Variants in ABCC11 observed in about 807,000 individuals in gnomAD.
ABCC11 encodes the protein ATP-binding cassette sub-family C member 11.
Under a neutral mutation model 149.3 loss-of-function variants are expected in ABCC11, and 135 were observed. That is an observed-to-expected ratio of 0.90 (90% CI 0.79 to 1.04). The LOEUF (loss-of-function observed/expected upper bound fraction) is 1.04. ABCC11 is among the 50% of genes least tolerant of loss of function. The pLI is 0.00. For synonymous variants in ABCC11, 665 were observed against 671.4 expected (o/e 0.99, Z 0.15); for missense variants, 1,680 against 1,722.1 (o/e 0.98, Z 0.43).
chr16:48,214,739 G>A, intron 9 of ABCC11, 142 bp downstream of exon 9: 1 of 1,192,116 alleles, frequency 8.4e-7, no homozygotes, highest in Non-Finnish European at 1.2e-6. Context: ...AGACAGCACT[G>A]TACTTTTGTC....
intron 20 of ABCC11, 83 bp from the exon 21 acceptor site, chr16:48,187,510 C>T: frequency 8.3e-7 from 1 of 1,209,190 alleles, no homozygotes; most frequent in Admixed American, 2.1e-5. Context: ...TTACCCTTGA[C>T]TCTAAAGAGC....
In ABCC11 at chr16:48,227,795, C is replaced by T. The variant is rs146017986; in HGVS notation, c.395+11G>A. 52 of 1,613,902 alleles carry T rather than the reference C, an allele frequency of 3.2e-5. No homozygotes were observed. The Middle Eastern group carries it at 6.6e-4, about 20-fold the overall frequency. On this transcript the variant is annotated intron_variant, in intron 4 of 29. Coordinates refer to ENST00000356608, the MANE Select transcript of ABCC11 (RefSeq NM_001370497.1). ...TTAACCTATCCACTGGTTTGCCCAG[C>T]GCAGCTTCACCTTTGGACATTTTTG...
In ABCC11 at chr16:48,215,032, G is replaced by A; in HGVS notation, c.1100-3C>T. The A allele has an allele frequency of 1.2e-6, 2 of 1,612,108 alleles. No individual in the cohort carries two copies. Among genetic ancestry groups the A allele is most frequent in the Non-Finnish European group, 1.7e-6 (2 of 1,179,116 alleles). On this transcript the variant is annotated splice_region_variant and splice_polypyrimidine_tract_variant and intron_variant, in intron 8 of 29. Coordinates refer to ENST00000356608, the MANE Select transcript of ABCC11 (RefSeq NM_001370497.1). ...TTTCCTTTCCTTCCTTCTTAGGTCTGGGAAATAAAAAAGAAATACACCAAA... is the reference window on the plus strand; with the variant it reads ...TTTCCTTTCCTTCCTTCTTAGGTCTAGGAAATAAAAAAGAAATACACCAAA...
At chr16:48,199,549 A>T (rs559465509) in intron 15 of ABCC11, among the ~76,000 whole-genome samples, 3 of 152,240 alleles carry the variant, frequency 2.0e-5, no homozygotes, top group African/African-American at 7.2e-5. Flanking sequence ...AGAAGCAGTC[A>T]TTGCACTGCG....
chr16:48,214,768 A>G (rs377402627), intron 9 of ABCC11, 113 bp downstream of exon 9: 1 of 1,374,800 alleles, frequency 7.3e-7, no homozygotes. Flanking sequence ...CAAAATCAAC[A>G]TATAATGTCC....
chr16:48,191,653 G>T (rs927392387), intron 20 of ABCC11, among the ~76,000 whole-genome samples: 1 of 152,220 alleles, frequency 6.6e-6, no homozygotes, highest in African/African-American at 2.4e-5. Flanking sequence ...GTGCATACAT[G>T]TGCATTTATC....
intron 1 of ABCC11, chr16:48,244,348 C>G (rs1971207042): frequency 7.0e-7 from 1 of 1,435,674 alleles, no homozygotes; most frequent in South Asian, 1.3e-5. Flanking sequence ...AGCTGTCTGT[C>G]TGGCTCTTTT....
chr16:48,234,873 A>G (rs1370298953), intron 1 of ABCC11, among the ~76,000 whole-genome samples: 2 of 152,194 alleles, frequency 1.3e-5, no homozygotes, highest in Admixed American at 6.5e-5. Flanking sequence ...GAGCAAGTAG[A>G]CAAAAGACCT....
At chr16:48,213,338 G>C (rs1026924718) in intron 10 of ABCC11, 105 bp downstream of exon 10, 13 of 958,076 alleles carry the variant, frequency 1.4e-5, no homozygotes, top group Admixed American at 5.2e-5. Flanking sequence ...TCCCTCTCTC[G>C]ACCTAGGCCT....
intron 26 of ABCC11, among the ~76,000 whole-genome samples, chr16:48,172,188 G>C (rs1296442593): frequency 2.6e-5 from 4 of 152,102 alleles, no homozygotes; most frequent in African/African-American, 9.7e-5. Context: ...CCATATTGTA[G>C]CATGTAACAT....
Position 48,170,227 on chromosome 16 carries a change from TG to T in ABCC11, c.3778-10del, listed in dbSNP as rs1270139103. The T allele has an allele frequency of 6.2e-7, 1 of 1,606,970 alleles. No individual in the cohort carries two copies. Among genetic ancestry groups the T allele is most frequent in the Non-Finnish European group, 8.5e-7 (1 of 1,173,536 alleles). ...TTGGGGAACTTTGAGATCTGCGATA[TG>T]GGAAGAAGAGACAACATAACCTGGA... is the stretch of plus-strand genomic sequence containing the variant. On this transcript the variant is annotated splice_polypyrimidine_tract_variant and intron_variant, in intron 27 of 29. Transcript: ENST00000356608.
rs959840775 is a variant in ABCC11, at chr16:48,167,598, G to A, written c.3954C>T (p.Arg1318=). Reference sequence around the variant, plus strand: ...AGCCCTGGAAGGCTTCACGGATTGTGCGCTGGATCAGGGTGTCTGTCTCCA... The same window carrying A: ...AGCCCTGGAAGGCTTCACGGATTGTACGCTGGATCAGGGTGTCTGTCTCCA... ...IDMETDTLIQ[R]TIREAFQGCT... The change falls in exon 29 of 30, where the codon CGC becomes CGT. Residue 1318 remains arginine (R), a synonymous_variant. Coordinates refer to ENST00000356608, the MANE Select transcript of ABCC11 (RefSeq NM_001370497.1). 6 of 1,612,350 alleles carry A rather than the reference G, an allele frequency of 3.7e-6. No individual in the cohort carries two copies. Among genetic ancestry groups the A allele is most frequent in the Non-Finnish European group, 5.1e-6 (6 of 1,180,016 alleles).
intron 6 of ABCC11, 152 bp from the exon 7 acceptor site, chr16:48,216,439 C>T (rs1969350141): frequency 1.6e-5 from 11 of 682,612 alleles, no homozygotes; most frequent in Middle Eastern, 4.3e-4. Flanking sequence ...CATCTTTCTT[C>T]TCTCTGGCTG....
intron 25 of ABCC11, 117 bp downstream of exon 25, chr16:48,176,807 C>CG (rs1460286245): frequency 4.9e-6 from 6 of 1,225,792 alleles, no homozygotes; most frequent in Non-Finnish European, 5.6e-6. Context: ...CCCAGCACAG[C>CG]ATGAGGACCT....
At chr16:48,227,985 A>G in intron 3 of ABCC11, 21 bp from the exon 4 acceptor site, 1 of 1,590,642 alleles carries the variant, frequency 6.3e-7, no homozygotes, top group Non-Finnish European at 8.6e-7. Flanking sequence ...GGCCACAAGG[A>G]TAAGAATGAA....
At chr16:48,185,373 GT>G (rs1280201784) in intron 22 of ABCC11, among the ~76,000 whole-genome samples, 4 of 152,070 alleles carry the variant, frequency 2.6e-5, no homozygotes, top group Non-Finnish European at 4.4e-5. Flanking sequence ...GTTTGCATTA[GT>G]TTTTTCTGTC....
chr16:48,189,955 G>C (rs1966857854), intron 20 of ABCC11, among the ~76,000 whole-genome samples: 1 of 152,146 alleles, frequency 6.6e-6, no homozygotes. Flanking sequence ...GCCTTCCAGA[G>C]CTCCATTCTC....
intron 26 of ABCC11, among the ~76,000 whole-genome samples, chr16:48,172,523 G>T (rs760770743): frequency 3.9e-5 from 6 of 151,976 alleles, no homozygotes; most frequent in Non-Finnish European, 8.8e-5. Context: ...GACCTCTTGG[G>T]CTCAAGCAAG....
At chr16:48,236,384 T>G (rs928172489) in intron 1 of ABCC11, among the ~76,000 whole-genome samples, 1 of 152,176 alleles carries the variant, frequency 6.6e-6, no homozygotes, top group Non-Finnish European at 1.5e-5. Context: ...ATCCCCTCTC[T>G]CCATACCACC....
Sources: allele counts gnomAD v4.1 joint callset (sites outside exome capture counted in the v4.1 genomes callset), GRCh38; gene constraint gnomAD v4.1.1; transcripts MANE v1.5; gene names NCBI Gene and HGNC (gene_info 2026-07-23, HGNC 2026-07-21).